The following SLC29A4 variants were observed in gnomAD, a reference collection of about 807,000 sequenced individuals.
SLC29A4 encodes solute carrier family 29 member 4.
Under a neutral mutation model 43.9 loss-of-function variants are expected in SLC29A4, and 36 were observed. The ratio of observed to expected loss-of-function variants is 0.82; its 90% CI spans 0.63 to 1.08. SLC29A4 has a LOEUF of 1.08. SLC29A4 is among the 50% of genes least tolerant of loss of function. The pLI, the probability that SLC29A4 is intolerant of heterozygous loss-of-function variation, is 0.00. For missense variants in SLC29A4, 869 were observed against 755.3 expected, an observed-to-expected ratio of 1.15 and a Z score of -1.77; for synonymous variants, 491 against 338.0, an observed-to-expected ratio of 1.45 and a Z score of -4.97.
At chr7:5,295,569 C>G (rs1217722605) in intron 6 of SLC29A4, among the ~76,000 whole-genome samples, 1 of 152,268 alleles carries the variant, frequency 6.6e-6, no homozygotes, top group Non-Finnish European at 1.5e-5. Context: ...GGTACCGGCA[C>G]TGTGTGCGTG....
intron 5 of SLC29A4, among the ~76,000 whole-genome samples, chr7:5,294,106 G>GA (rs57652254): frequency 0.2 from 28,357 of 145,382 alleles, 3,186 homozygotes; most frequent in East Asian, 0.53. Flanking sequence ...GCTCTATCTG[G>GA]AAAAAAAAAA....
chr7:5,290,290 C>T (rs1785223505), intron 2 of SLC29A4, among the ~76,000 whole-genome samples: 1 of 152,282 alleles, frequency 6.6e-6, no homozygotes, highest in South Asian at 2.1e-4. Flanking sequence ...GTCTCGATCT[C>T]CTGACCTCGT....
chr7:5,298,759 C>T (rs538575048), intron 7 of SLC29A4, among the ~76,000 whole-genome samples: 12 of 152,270 alleles, frequency 7.9e-5, no homozygotes, highest in Non-Finnish European at 1.6e-4. Flanking sequence ...GTGACTGCAC[C>T]ACTGCACTCC....
intron 6 of SLC29A4, among the ~76,000 whole-genome samples, chr7:5,295,892 C>G (rs923913862): frequency 6.6e-6 from 1 of 152,080 alleles, no homozygotes; most frequent in African/African-American, 2.4e-5. Flanking sequence ...TCAAGGGCCG[C>G]GCAGAAAAGA....
intron 5 of SLC29A4, among the ~76,000 whole-genome samples, chr7:5,292,259 T>C (rs1006289640): frequency 1.3e-5 from 2 of 152,068 alleles, no homozygotes; most frequent in African/African-American, 4.8e-5. Flanking sequence ...CTCAGGCACA[T>C]GCCACCAAGC....
At chr7:5,291,303 C>T in intron 4 of SLC29A4, 66 bp downstream of exon 4, 2 of 1,442,626 alleles carry the variant, frequency 1.4e-6, no homozygotes, top group South Asian at 2.4e-5. Flanking sequence ...CGGTCACCCA[C>T]TCACCCAGTT....
In SLC29A4 at chr7:5,306,876, AT is replaced by A. The variant is rs1786564551; in HGVS notation, c.*3938del. 1.1e-5 allele frequency: 1 copy of A among 88,222 alleles called. No homozygotes were observed. Among genetic ancestry groups the A allele is most frequent in the East Asian group, 4.5e-4 (1 of 2,198 alleles). The allele number at this position is 88,222 out of a possible 1,614,324, so 5.5% of individuals were successfully genotyped here. A position where few individuals can be genotyped will look rare whatever the true frequency, so the allele number is the denominator to read the frequency against. On this transcript the variant is annotated 3_prime_UTR_variant, in exon 11 of 11. Transcript: ENST00000396872. The stretch of plus-strand genomic sequence containing the variant: ...CAACAAACAAAATTCCAAAAGAAAC[AT>A]AAAAAAAAAAACCAATAATTCCCCC...
intron 2 of SLC29A4, among the ~76,000 whole-genome samples, chr7:5,288,909 C>A (rs1261134818): frequency 2.0e-5 from 3 of 152,132 alleles, no homozygotes; most frequent in Admixed American, 6.6e-5. Flanking sequence ...CCACCAGGAG[C>A]CCCTGGTCAA....
At position 5,291,379 on chromosome 7, in the gene SLC29A4, T is replaced by G. The variant is rs1358704450; in HGVS notation, c.415+142T>G. ...TTCCTAGGGCTGCCCTGAGGTCTGG[T>G]GTAAGACACCGTGGTGGGGCCTCTG... On this transcript the variant is annotated intron_variant, in intron 4 of 10. Transcript: ENST00000396872. 6.4e-6 allele frequency: 5 copies of G among 776,336 alleles called. No homozygotes were observed. In the African/African-American group the frequency reaches 8.5e-5, roughly 13 times the overall value. The allele number at this position is 776,336 out of a possible 1,614,324, so 48.1% of individuals were successfully genotyped here.
intron 3 of SLC29A4, 89 bp from the exon 4 acceptor site, chr7:5,291,035 G>T (rs764760265): frequency 2.3e-5 from 35 of 1,547,256 alleles, no homozygotes; most frequent in Non-Finnish European, 3.1e-5. Context: ...TCTGTGGGCA[G>T]CGAGCCCCTT....
intron 10 of SLC29A4, among the ~76,000 whole-genome samples, chr7:5,301,395 C>T (rs1277590783): frequency 2.6e-5 from 4 of 152,014 alleles, no homozygotes; most frequent in Non-Finnish European, 5.9e-5. Context: ...GTAAATGGAG[C>T]AATCTGGGAA....
In SLC29A4 at chr7:5,299,255, G is replaced by A. The variant is rs773399486; in HGVS notation, c.1037G>A (p.Arg346His). The change falls in exon 9 of 11, where the codon CGC becomes CAC. Residue 346 changes from arginine (R) to histidine (H), a missense_variant. Physicochemically the swap from Arg to His is conservative, Grantham distance 29. Coordinates refer to ENST00000396872, the MANE Select transcript of SLC29A4 (RefSeq NM_153247.4). ...CACCCTCCAGCCCTGTTACTGCACC[G>A]CTACGTGGTGGCGCGGGTGATCTGG... ...WPTFRALLLH[R>H]YVVARVIWAD... is the part of the protein sequence containing the mutation. The A allele has an allele frequency of 1.9e-6, 3 of 1,612,096 alleles. No homozygotes were observed. Among genetic ancestry groups the A allele is most frequent in the South Asian group, 1.1e-5 (1 of 91,010 alleles).
chr7:5,292,690 C>CTTTCTTTTTTTT (rs1785381635), intron 5 of SLC29A4, among the ~76,000 whole-genome samples: 1 of 67,412 alleles, frequency 1.5e-5, no homozygotes, highest in East Asian at 5.7e-4. Context: ...CATTTTTTTC[C>CTTTCTTTTTTTT]TTTTTTTTTT....
At position 5,294,844 on chromosome 7, in the gene SLC29A4, C is replaced by CTT. The variant is rs780791701; in HGVS notation, c.545-15_545-14insTT. 4 of 1,606,524 alleles carry CTT rather than the reference C, an allele frequency of 2.5e-6. No individual in the cohort carries two copies. The Admixed American group carries it at 6.7e-5, about 27-fold the overall frequency. ...ATAATGGTGCCTCTGGGTTGTTCCTCTCTCTCTCTCTTAAGTGCAGCAATC... is the reference window on the plus strand; with the variant it reads ...ATAATGGTGCCTCTGGGTTGTTCCTCTTTCTCTCTCTCTTAAGTGCAGCAATC... On this transcript the variant is annotated splice_polypyrimidine_tract_variant and intron_variant, in intron 5 of 10. Transcript: ENST00000396872.
At position 5,297,570 on chromosome 7, in the gene SLC29A4, C is replaced by T. The variant is rs532446662; in HGVS notation, c.882+372C>T. 4.7e-4 allele frequency among the ~76,000 whole-genome samples: 71 copies of T among 152,368 alleles called. 2 individuals carry two copies. Among genetic ancestry groups the T allele is most frequent in the African/African-American group, 1.5e-3 (64 of 41,596 alleles). The stretch of plus-strand genomic sequence containing the variant: ...GTTCATTCTGAGGGTCTCAGCCCTC[C>T]TGGCTGCGCCAACCCACGTTGGAGA... On this transcript the variant is annotated intron_variant, in intron 7 of 10. Transcript: ENST00000396872.
rs372668297 is a variant in SLC29A4, at chr7:5,297,705, T to G, written c.882+507T>G. On this transcript the variant is annotated intron_variant, in intron 7 of 10. Coordinates refer to ENST00000396872, the MANE Select transcript of SLC29A4 (RefSeq NM_153247.4). ...TCAGGGCTCAGGGATAACCCTGGTTTCCCTGAGGGAATGTGGCGGGGCCCC... is the reference window on the plus strand; with the variant it reads ...TCAGGGCTCAGGGATAACCCTGGTTGCCCTGAGGGAATGTGGCGGGGCCCC... 8.5e-5 allele frequency among the ~76,000 whole-genome samples: 13 copies of G among 152,246 alleles called. No individual in the cohort carries two copies. In the East Asian group the frequency reaches 2.1e-3, roughly 25 times the overall value.
Position 5,302,920 on chromosome 7 carries a change from C to G in SLC29A4, c.1574C>G (p.Ser525Cys), listed in dbSNP as rs1248445163. 3.7e-6 allele frequency: 6 copies of G among 1,607,776 alleles called. No individual in the cohort carries two copies. Among genetic ancestry groups the G allele is most frequent in the Non-Finnish European group, 5.1e-6 (6 of 1,178,030 alleles). The change falls in exon 11 of 11, where the codon TCC becomes TGC. Residue 525 changes from serine to cysteine, a missense_variant. Ser to Cys is a moderately radical substitution (Grantham distance 112). Transcript: ENST00000396872. ...SCLHASTANG[S>C]ILAGL ...CTGCACGCCTCCACCGCCAATGGTT[C>G]CATCCTCGCAGGCCTCTGAGCCAGC...
At chr7:5,296,818 CTGTGGTGGAGG>C in intron 6 of SLC29A4, 107 bp from the exon 7 acceptor site, 1 of 1,099,606 alleles carries the variant, frequency 9.1e-7, no homozygotes, top group Non-Finnish European at 1.2e-6. Context: ...GGGGCAGGGC[CTGTGGTGGAGG>C]GCGGGGCCGG....
intron 5 of SLC29A4, among the ~76,000 whole-genome samples, chr7:5,293,820 T>C (rs1431515451): frequency 1.3e-5 from 2 of 152,004 alleles, no homozygotes; most frequent in Non-Finnish European, 2.9e-5. Context: ...TTAAAAAATT[T>C]TTGTCTCCAT....
Sources: allele counts gnomAD v4.1 joint callset (sites outside exome capture counted in the v4.1 genomes callset), GRCh38; gene constraint gnomAD v4.1.1; transcripts MANE v1.5; gene names NCBI Gene and HGNC (gene_info 2026-07-23, HGNC 2026-07-21).